The following RNGTT variants were observed in gnomAD, a reference collection of about 807,000 sequenced individuals.
RNGTT encodes mRNA-capping enzyme.
In RNGTT, 33 loss-of-function variants were observed where a neutral mutation model predicts 79.3. The ratio of observed to expected loss-of-function variants is 0.42; its 90% confidence interval spans 0.32 to 0.56. The LOEUF is 0.56. Ranked by LOEUF, RNGTT falls within the 20% of genes least tolerant of loss-of-function variation. The pLI is 0.17. For synonymous variants in RNGTT, 222 were observed against 235.9 expected, an observed-to-expected ratio of 0.94 and a Z score of 0.54; for missense variants, 497 against 739.1, an observed-to-expected ratio of 0.67 and a Z score of 3.80.
rs9353598 is a variant in RNGTT, at chr6:88,744,418, C to T, written c.1439+25356G>A. On this transcript the variant is annotated intron_variant, in intron 13 of 15. Coordinates refer to ENST00000369485, the MANE Select transcript of RNGTT (RefSeq NM_003800.5). ...CTAAGACTACAGGCGCGCACCAGCA[C>T]GCCCGGCTAATTTTTGTATTTTTAG... 1.6e-4 allele frequency among the ~76,000 whole-genome samples: 25 copies of T among 152,020 alleles called. No individual in the cohort carries two copies. The South Asian group carries it at 3.1e-3, about 19-fold the overall frequency.
intron 13 of RNGTT, among the ~76,000 whole-genome samples, chr6:88,700,747 T>C (rs954190474): frequency 1.3e-5 from 2 of 152,186 alleles, no homozygotes; most frequent in Non-Finnish European, 2.9e-5. Context: ...GTGGTGCTTA[T>C]TAACTATGTA....
chr6:88,886,391 C>G (rs1055043342), intron 8 of RNGTT, among the ~76,000 whole-genome samples: 4 of 152,108 alleles, frequency 2.6e-5, no homozygotes, highest in African/African-American at 4.8e-5. Flanking sequence ...GGACCAGAAA[C>G]AGGGCATAAT....
chr6:88,778,645 T>G (rs549117091), intron 12 of RNGTT, among the ~76,000 whole-genome samples: 1 of 152,168 alleles, frequency 6.6e-6, no homozygotes, highest in African/African-American at 2.4e-5. Flanking sequence ...TGCAATCCAT[T>G]GCACCCAGCT....
chr6:88,940,681 G>A (rs2127958495), intron 2 of RNGTT, among the ~76,000 whole-genome samples: 1 of 152,250 alleles, frequency 6.6e-6, no homozygotes, highest in Admixed American at 6.5e-5. Context: ...GGTGAGGAGA[G>A]AGTTTGACCA....
At chr6:88,711,575 T>C (rs970563601) in intron 13 of RNGTT, among the ~76,000 whole-genome samples, 2 of 152,240 alleles carry the variant, frequency 1.3e-5, no homozygotes, top group African/African-American at 4.8e-5. Flanking sequence ...TCTTAGACTA[T>C]CAATGTACTT....
chr6:88,893,829 T>C (rs1275220640), intron 6 of RNGTT, among the ~76,000 whole-genome samples: 1 of 152,176 alleles, frequency 6.6e-6, no homozygotes, highest in East Asian at 1.9e-4. Context: ...AAAAGTATGA[T>C]ACACTTCATA....
chr6:88,893,061 C>A (rs1299205246), intron 6 of RNGTT, among the ~76,000 whole-genome samples: 1 of 152,004 alleles, frequency 6.6e-6, no homozygotes, highest in Admixed American at 6.6e-5. Flanking sequence ...CATTATTTCT[C>A]TGTACTAGCC....
chr6:88,777,562 T>C (rs926211652), intron 12 of RNGTT, among the ~76,000 whole-genome samples: 1 of 152,212 alleles, frequency 6.6e-6, no homozygotes, highest in African/African-American at 2.4e-5. Flanking sequence ...TTCTTTTTGA[T>C]GCTATTGTAA....
intron 14 of RNGTT, among the ~76,000 whole-genome samples, chr6:88,676,520 G>T (rs1486110375): frequency 6.6e-6 from 1 of 152,072 alleles, no homozygotes; most frequent in Non-Finnish European, 1.5e-5. Flanking sequence ...GTGACTTTGG[G>T]TTAGGAAAAT....
intron 13 of RNGTT, among the ~76,000 whole-genome samples, chr6:88,681,105 A>G (rs992574435): frequency 2.0e-5 from 3 of 152,196 alleles, no homozygotes; most frequent in Non-Finnish European, 4.4e-5. Context: ...TATATAACAA[A>G]TGTTCACAGA....
chr6:88,856,185 A>G (rs1230309857), intron 8 of RNGTT, among the ~76,000 whole-genome samples: 2 of 152,208 alleles, frequency 1.3e-5, no homozygotes, highest in Non-Finnish European at 2.9e-5. Context: ...CTTAATCCTG[A>G]TATCTGTTAA....
chr6:88,912,634 C>T (rs541473523), intron 4 of RNGTT, among the ~76,000 whole-genome samples: 1 of 152,068 alleles, frequency 6.6e-6, no homozygotes, highest in Admixed American at 6.5e-5. Context: ...GATTGACAGG[C>T]CATTGGCTGG....
chr6:88,774,761 A>AT (rs1778816075), intron 12 of RNGTT, among the ~76,000 whole-genome samples: 1 of 152,176 alleles, frequency 6.6e-6, no homozygotes, highest in Non-Finnish European at 1.5e-5. Context: ...TATTTAAAAT[A>AT]GAAAAAAATC....
rs368568455 is a variant in RNGTT at position 88,843,716 on chromosome 6, A to T, written c.1269+641T>A. Among the ~76,000 whole-genome samples, 23 of 150,794 alleles carry T rather than the reference A, an allele frequency of 1.5e-4. 1 individual carries two copies. In the South Asian group the frequency reaches 4.8e-3, roughly 32 times the overall value. On this transcript the variant is annotated intron_variant, in intron 11 of 15. Transcript: ENST00000369485. ...TGGGACTATAGACATGCGCCGCCAC[A>T]CCCGGCTAATTTTTGTATTTTTAGT...
intron 13 of RNGTT, among the ~76,000 whole-genome samples, chr6:88,703,566 T>G (rs1776015684): frequency 6.6e-6 from 1 of 152,080 alleles, no homozygotes; most frequent in South Asian, 2.1e-4. Flanking sequence ...AGGCAAGGGT[T>G]GAAAAACTGT....
At position 88,718,870 on chromosome 6, in the gene RNGTT, CA is replaced by C. The variant is rs563379437; in HGVS notation, c.1440-40452del. Among the ~76,000 whole-genome samples the C allele has an allele frequency of 8.5e-5, 13 of 152,104 alleles. No homozygotes were observed. In the South Asian group the frequency reaches 2.1e-3, roughly 24 times the overall value. ...AGTGGAAGAGAGGATACAGAGTATC[CA>C]AAACCAGATGTTTAGTTGATATATT... On this transcript the variant is annotated intron_variant, in intron 13 of 15. Coordinates refer to ENST00000369485, the MANE Select transcript of RNGTT (RefSeq NM_003800.5).
chr6:88,754,381 T>C (rs756172241), intron 13 of RNGTT, among the ~76,000 whole-genome samples: 5 of 152,122 alleles, frequency 3.3e-5, no homozygotes, highest in Non-Finnish European at 7.4e-5. Flanking sequence ...GCTGAACATA[T>C]TTGAAGCCTA....
intron 11 of RNGTT, among the ~76,000 whole-genome samples, chr6:88,842,272 G>C (rs75399312): frequency 2.0e-5 from 3 of 151,886 alleles, no homozygotes; most frequent in Admixed American, 1.3e-4. Context: ...GCACAAATGA[G>C]AAATGGAGAA....
intron 8 of RNGTT, among the ~76,000 whole-genome samples, chr6:88,854,199 C>A (rs1403005369): frequency 6.6e-6 from 1 of 151,836 alleles, no homozygotes; most frequent in Admixed American, 6.6e-5. Context: ...CAAAGTGCTG[C>A]GATTACAGCG....
Sources: gnomAD v4.1 joint callset for allele counts (sites outside exome capture counted in the v4.1 genomes callset) on GRCh38, gnomAD v4.1.1 for gene constraint, MANE v1.5 for transcripts, NCBI Gene and HGNC (gene_info 2026-07-23, HGNC 2026-07-21) for gene names.